The following SPAST variants were observed in gnomAD, a reference collection of about 807,000 sequenced individuals.
SPAST encodes the protein spastic paraplegia 4 (autosomal dominant; spastin).
A neutral mutation model predicts 76.6 loss-of-function variants in SPAST; 30 were observed. The ratio of observed to expected loss-of-function variants is 0.39; its 90% CI spans 0.29 to 0.53. The LOEUF (loss-of-function observed/expected upper bound fraction) is 0.53. Ranked by LOEUF, SPAST falls within the 20% of genes least tolerant of loss-of-function variation. The pLI is 0.68. For missense variants in SPAST, 717 were observed against 770.5 expected (o/e 0.93, Z 0.82); for synonymous variants, 305 against 281.0 (o/e 1.09, Z -0.86).
In SPAST at chr2:32,127,237, C is replaced by A; in HGVS notation, c.1173+215C>A. The A allele has an allele frequency of 7.5e-6, 4 of 533,598 alleles. No homozygotes were observed. The South Asian group carries it at 8.2e-5, about 11-fold the overall frequency. 33.1% of individuals were successfully genotyped at this position (533,598 alleles called of 1,614,324 possible). On this transcript the variant is annotated intron_variant, in intron 8 of 16. Transcript: ENST00000315285. ...GGTTCAAGCGATTTTCATGCCTCAG[C>A]CTCCCAAGTAGCTGGGATTACAGGC... is the stretch of plus-strand genomic sequence containing the variant.
At chr2:32,103,411 A>T (rs1182242271) in intron 4 of SPAST, among the ~76,000 whole-genome samples, 1 of 152,142 alleles carries the variant, frequency 6.6e-6, no homozygotes, top group East Asian at 1.9e-4. Context: ...TCTTTTCAAA[A>T]AACCAGCTCC....
chr2:32,089,452 G>A, intron 2 of SPAST, 70 bp from the exon 3 acceptor site: 1 of 873,412 alleles, frequency 1.1e-6, no homozygotes, highest in Non-Finnish European at 1.9e-6. Context: ...AAAGTAGTTT[G>A]GGTGATAATT....
intron 1 of SPAST, among the ~76,000 whole-genome samples, chr2:32,078,978 C>T (rs974864104): frequency 6.6e-6 from 1 of 152,080 alleles, no homozygotes; most frequent in African/African-American, 2.4e-5. Context: ...GCTGGGACTA[C>T]AGGTACATGT....
chr2:32,131,692 T>G (rs2148749123), intron 9 of SPAST, among the ~76,000 whole-genome samples: 1 of 139,598 alleles, frequency 7.2e-6, no homozygotes, highest in East Asian at 2.0e-4. Context: ...TTTTTTTTTT[T>G]GAGATGGAGT....
intron 4 of SPAST, among the ~76,000 whole-genome samples, chr2:32,114,429 C>A (rs961795860): frequency 4.6e-5 from 7 of 151,990 alleles, no homozygotes; most frequent in Non-Finnish European, 8.8e-5. Flanking sequence ...TAGAATTATA[C>A]GTTAGGGGGA....
intron 1 of SPAST, chr2:32,077,965 T>G (rs1206218436): frequency 8.6e-6 from 1 of 115,646 alleles, no homozygotes; most frequent in East Asian, 3.5e-4. Flanking sequence ...CCCATTTCTG[T>G]TTTTTTTTTT....
chr2:32,067,061 T>C (rs115251361), intron 1 of SPAST, among the ~76,000 whole-genome samples: 3,400 of 152,156 alleles, frequency 0.022, 123 homozygotes, highest in African/African-American at 0.076. Context: ...AAGGAAATTT[T>C]TTTTATTTGT....
At position 32,133,827 on chromosome 2, in the gene SPAST, A is replaced by T. The variant is rs898114346; in HGVS notation, c.1246-2736A>T. Among the ~76,000 whole-genome samples, 63 of 152,166 alleles carry T rather than the reference A, an allele frequency of 4.1e-4. 1 individual carries two copies. Among genetic ancestry groups the T allele is most frequent in the African/African-American group, 1.4e-3 (60 of 41,452 alleles). ...AATATTAACTGTCACCTCCACTAGA[A>T]GATGGTCTCCATGTGGACAGTAATA... On this transcript the variant is annotated intron_variant, in intron 9 of 16. Coordinates refer to ENST00000315285, the MANE Select transcript of SPAST (RefSeq NM_014946.4).
chr2:32,100,965 G>C (rs915823590), intron 4 of SPAST, among the ~76,000 whole-genome samples: 15 of 152,040 alleles, frequency 9.9e-5, no homozygotes, highest in African/African-American at 3.6e-4. Context: ...TAATCCTTTG[G>C]GTATATACCC....
In SPAST at chr2:32,101,206, G is replaced by T. The variant is rs534668168; in HGVS notation, c.682+2315G>T. ...TGGTTTTGATTTGCATTTCTCTGAT[G>T]GCCAGTGATGATGAGCATTTTTTCA... On this transcript the variant is annotated intron_variant, in intron 4 of 16. Transcript: ENST00000315285. Among the ~76,000 whole-genome samples the T allele has an allele frequency of 1.5e-3, 233 of 152,234 alleles. 9 individuals are homozygous for T. In the South Asian group the frequency reaches 0.046, roughly 30 times the overall value.
intron 1 of SPAST, among the ~76,000 whole-genome samples, chr2:32,065,748 C>G (rs562020421): frequency 6.6e-6 from 1 of 152,300 alleles, no homozygotes; most frequent in East Asian, 1.9e-4. Context: ...TTCATAGTGT[C>G]TGTCTCTACT....
Position 32,137,268 on chromosome 2 carries a change from T to C in SPAST, c.1493+80T>C, listed in dbSNP as rs1338601163. The C allele has an allele frequency of 5.4e-6, 6 of 1,119,064 alleles. No individual in the cohort carries two copies. The East Asian group carries it at 9.4e-5, about 18-fold the overall frequency. The allele number at this position is 1,119,064 out of a possible 1,614,324, so 69.3% of individuals were successfully genotyped here. A position where few individuals can be genotyped will look rare whatever the true frequency, so the allele number is the denominator to read the frequency against. ...GTGTCCATCTTACATATTATTTCCT[T>C]ACTCTCAGTTTTAAGACTAAATTCA... is the stretch of plus-strand genomic sequence containing the variant. On this transcript the variant is annotated intron_variant, in intron 12 of 16. Transcript: ENST00000315285.
At chr2:32,132,637 C>T (rs17546590) in intron 9 of SPAST, among the ~76,000 whole-genome samples, 3,872 of 151,750 alleles carry the variant, frequency 0.026, 64 homozygotes, top group Non-Finnish European at 0.036. Flanking sequence ...TTTCTATGGT[C>T]TCATGCCAGT....
intron 4 of SPAST, among the ~76,000 whole-genome samples, chr2:32,108,671 A>G (rs1678415794): frequency 6.6e-6 from 1 of 151,162 alleles, no homozygotes; most frequent in South Asian, 2.1e-4. Context: ...GTCTGGTCTC[A>G]AACTCCTGGG....
intron 1 of SPAST, among the ~76,000 whole-genome samples, chr2:32,082,177 G>A (rs1212687899): frequency 1.3e-5 from 2 of 150,496 alleles, no homozygotes; most frequent in African/African-American, 4.9e-5. Context: ...ATTTTTAGTA[G>A]AGATTGGGTT....
intron 2 of SPAST, among the ~76,000 whole-genome samples, chr2:32,089,019 G>A (rs1029153630): frequency 6.6e-6 from 1 of 151,998 alleles, no homozygotes; most frequent in Non-Finnish European, 1.5e-5. Context: ...ACCACAGTAG[G>A]TTGGAAATCA....
intron 4 of SPAST, among the ~76,000 whole-genome samples, chr2:32,110,104 GTTT>G (rs200943358): frequency 0.27 from 36,351 of 135,396 alleles, 5,075 homozygotes; most frequent in East Asian, 0.56. Context: ...AGTTTTTTTT[GTTT>G]TTTTTTTTTG....
chr2:32,110,544 ATATATAC>A (rs1205488737), intron 4 of SPAST, among the ~76,000 whole-genome samples: 4 of 130,908 alleles, frequency 3.1e-5, no homozygotes, highest in African/African-American at 6.1e-5. Context: ...TATATAGTAT[ATATATAC>A]TATATAGTGT....
intron 7 of SPAST, among the ~76,000 whole-genome samples, chr2:32,122,312 G>GGTTTT (rs1253347316): frequency 6.6e-6 from 1 of 151,966 alleles, no homozygotes; most frequent in Non-Finnish European, 1.5e-5. Context: ...GAAATTACTA[G>GGTTTT]GTTTTGTTTT....
Sources: gnomAD v4.1 joint callset for allele counts (sites outside exome capture counted in the v4.1 genomes callset) on GRCh38, gnomAD v4.1.1 for gene constraint, MANE v1.5 for transcripts, NCBI Gene and HGNC (gene_info 2026-07-23, HGNC 2026-07-21) for gene names.